Variants in MYB observed in about 807,000 individuals in gnomAD.
The protein encoded by MYB is MYB proto-oncogene, transcription factor, also known as transcriptional activator Myb.
A neutral mutation model predicts 92.9 loss-of-function variants in MYB; 28 were observed. The observed-to-expected ratio is 0.30, with a 90% CI of 0.22 to 0.41. The LOEUF is 0.41. Among genes scored for constraint, MYB ranks in the 10% least tolerant of loss-of-function variants. MYB has a pLI of 1.00. For synonymous variants in MYB, 295 were observed against 329.1 expected (o/e 0.90, Z 1.12); for missense variants, 679 against 929.3 (o/e 0.73, Z 3.50).
chr6:135,197,952 C>T (rs1777558467), intron 10 of MYB, among the ~76,000 whole-genome samples: 1 of 152,154 alleles, frequency 6.6e-6, no homozygotes, highest in Non-Finnish European at 1.5e-5. Flanking sequence ...TTATTTCATA[C>T]AGCTTTTTTA....
Position 135,189,858 on chromosome 6 carries a change from C to T in MYB, c.281C>T (p.Pro94Leu). The change falls in exon 4 of 16, where the codon CCT becomes CTT. Residue 94 changes from proline (P) to leucine (L), a missense_variant. Coordinates refer to ENST00000341911, the MANE Select transcript of MYB (RefSeq NM_001130173.2). The stretch of plus-strand genomic sequence containing the variant: ...CTAAACCCTGAGCTCATCAAGGGTC[C>T]TTGGACCAAAGAAGAAGATCAGAGA... ...KVLNPELIKG[P>L]WTKEEDQRVI... is the part of the protein sequence containing the mutation. 6.2e-7 allele frequency: 1 copy of T among 1,614,018 alleles called. No homozygotes were observed. The highest frequency in any genetic ancestry group is 8.5e-7 in the Non-Finnish European group (1 of 1,179,884).
intron 15 of MYB, among the ~76,000 whole-genome samples, chr6:135,207,012 T>A (rs1334007874): frequency 6.6e-6 from 1 of 152,184 alleles, no homozygotes; most frequent in East Asian, 1.9e-4. Flanking sequence ...TTTCTATAGA[T>A]TTTTTATGCA....
intron 6 of MYB, 53 bp from the exon 7 acceptor site, chr6:135,193,785 G>A (rs1257208629): frequency 2.3e-6 from 3 of 1,296,210 alleles, no homozygotes; most frequent in Non-Finnish European, 3.3e-6. Context: ...CAAGTCCCCT[G>A]AAGCATATGT....
rs529024644 is a variant in MYB, at chr6:135,205,072, A to C, written c.2169+1748A>C. Among the ~76,000 whole-genome samples, 703 of 152,292 alleles carry C rather than the reference A, an allele frequency of 4.6e-3. 11 individuals carry two copies. Among genetic ancestry groups the C allele is most frequent in the South Asian group, 0.016 (75 of 4,826 alleles). ...ACAGAATGAGACTCCATCTCAAAAA[A>C]AAGAATATCACAAATAATTGGGAGA... On this transcript the variant is annotated intron_variant, in intron 15 of 15. Transcript: ENST00000341911.
rs1780619235 is a variant in MYB at position 135,217,496 on chromosome 6, GC to G, written c.2170-367del. On this transcript the variant is annotated intron_variant, in intron 15 of 15. Transcript: ENST00000341911. ...CGTGCATGAGCTGCTTTGCACTGTG[GC>G]TACAGCACTCAGCAGTTTGCTTAGT... Among the ~76,000 whole-genome samples the G allele has an allele frequency of 2.6e-5, 4 of 152,290 alleles. No individual in the cohort carries two copies. In the South Asian group the frequency reaches 8.3e-4, roughly 32 times the overall value.
Position 135,190,450 on chromosome 6 carries a change from T to A in MYB, c.527+103T>A. 1.1e-6 allele frequency: 1 copy of A among 894,666 alleles called. No individual in the cohort carries two copies. Among genetic ancestry groups the A allele is most frequent in the East Asian group, 2.6e-5 (1 of 38,034 alleles). 55.4% of individuals were successfully genotyped at this position (894,666 alleles called of 1,614,324 possible). A position where few individuals can be genotyped will look rare whatever the true frequency, so the allele number is the denominator to read the frequency against. On this transcript the variant is annotated intron_variant, in intron 5 of 15. Transcript: ENST00000341911. This position sits in a 1 kb window ranked among gnomAD's most constrained non-coding sequence, Gnocchi z 4.5. ...TGAGTAAATTATATTTCATCAGTCG[T>A]AAGTGTTTTATTAGATAAACCAGCT...
In MYB at chr6:135,193,850, G is replaced by T. The variant is rs780385476; in HGVS notation, c.775G>T (p.Val259Phe). 3 of 1,612,194 alleles carry T rather than the reference G, an allele frequency of 1.9e-6. No homozygotes were observed. Among genetic ancestry groups the T allele is most frequent in the Non-Finnish European group, 2.5e-6 (3 of 1,178,310 alleles). The change falls in exon 7 of 16, where the codon GTT becomes TTT. Residue 259 changes from valine (V) to phenylalanine (F), a missense_variant. Physicochemically the swap from Val to Phe is conservative, Grantham distance 50. Coordinates refer to ENST00000341911, the MANE Select transcript of MYB (RefSeq NM_001130173.2). ...ISEAQNVSSHVPYPVALHVNI... is the reference protein window; with the variant it reads ...ISEAQNVSSHFPYPVALHVNI... Reference sequence around the variant, plus strand: ...CTTTTGCATCTAGGTCTCCAGTCATGTTCCATACCCTGTAGCGTTACATGT... The same window carrying T: ...CTTTTGCATCTAGGTCTCCAGTCATTTTCCATACCCTGTAGCGTTACATGT...
chr6:135,186,589 A>G (rs911266569), intron 2 of MYB, among the ~76,000 whole-genome samples: 26 of 152,238 alleles, frequency 1.7e-4, no homozygotes, highest in Non-Finnish European at 2.9e-5. Flanking sequence ...CAAAACAAAC[A>G]AAAGAATAAA....
At chr6:135,193,450 A>T (rs565527431) in intron 6 of MYB, among the ~76,000 whole-genome samples, 2 of 152,336 alleles carry the variant, frequency 1.3e-5, no homozygotes, top group East Asian at 3.9e-4. Context: ...ACTCAAAATT[A>T]TTCCAAGAAA....
intron 15 of MYB, among the ~76,000 whole-genome samples, chr6:135,208,203 C>A (rs1245636487): frequency 6.7e-6 from 1 of 148,518 alleles, no homozygotes; most frequent in African/African-American, 2.5e-5. Context: ...CTTAGCCTCT[C>A]GAGTAGCTGG....
chr6:135,202,599 C>G, intron 14 of MYB: 1 of 188,220 alleles, frequency 5.3e-6, no homozygotes, highest in Non-Finnish European at 1.1e-5. Context: ...AACTCCTGAC[C>G]TCAGGTGATC....
intron 1 of MYB, among the ~76,000 whole-genome samples, chr6:135,185,617 A>G (rs1354971664): frequency 1.3e-5 from 2 of 152,164 alleles, no homozygotes; most frequent in Admixed American, 6.5e-5. Context: ...AAGGTGGCCA[A>G]ATGTGTAACT....
At chr6:135,217,739 A>G in intron 15 of MYB, 125 bp from the exon 16 acceptor site, 1 of 743,386 alleles carries the variant, frequency 1.3e-6, no homozygotes, top group Non-Finnish European at 2.4e-6. Context: ...GGGAGGTAAG[A>G]TTCTATCTGA....
At chr6:135,211,191 T>C (rs1779658945) in intron 15 of MYB, among the ~76,000 whole-genome samples, 2 of 148,950 alleles carry the variant, frequency 1.3e-5, no homozygotes, top group Admixed American at 1.4e-4. Flanking sequence ...TTTCATCTAG[T>C]GTGCTGTGCT....
intron 15 of MYB, among the ~76,000 whole-genome samples, chr6:135,216,345 C>T (rs1293346996): frequency 3.9e-5 from 6 of 152,106 alleles, no homozygotes; most frequent in Non-Finnish European, 8.8e-5. Context: ...TGTATACATT[C>T]GTGGGGTACA....
At chr6:135,195,610 T>C (rs1240824877) in intron 8 of MYB, 138 bp from the exon 9 acceptor site, 2 of 904,488 alleles carry the variant, frequency 2.2e-6, no homozygotes, top group African/African-American at 1.7e-5. Flanking sequence ...AACTGTTTCA[T>C]AGGCGTAAGT....
At chr6:135,207,550 G>A (rs1406151152) in intron 15 of MYB, among the ~76,000 whole-genome samples, 1 of 152,098 alleles carries the variant, frequency 6.6e-6, no homozygotes, top group African/African-American at 2.4e-5. Context: ...TTATGGTTTT[G>A]CTTCTAACGT....
rs187423108 is a variant in MYB, at chr6:135,181,345, C to T, written c.-169C>T. ...CAACCTGTTTCCTCCTCCTCCTTCT[C>T]CTCCTCCTCCGTGACCTCCTCCTCC... On this transcript the variant is annotated 5_prime_UTR_variant, in exon 1 of 16. Transcript: ENST00000341911. The surrounding 1 kb of genome is among the most constrained non-coding windows in gnomAD (Gnocchi z 5.3). 7.8e-5 allele frequency: 17 copies of T among 218,170 alleles called. No individual in the cohort carries two copies. The highest frequency in any genetic ancestry group is 7.4e-4 in the Admixed American group (12 of 16,258). 13.5% of individuals were successfully genotyped at this position (218,170 alleles called of 1,614,324 possible).
intron 10 of MYB, 31 bp from the exon 11 acceptor site, chr6:135,198,877 C>T (rs1562379858): frequency 6.5e-7 from 1 of 1,543,654 alleles, no homozygotes. Context: ...ACCATCTAAT[C>T]TAAGTATTTT....
Sources: gnomAD v4.1 joint callset for allele counts (sites outside exome capture counted in the v4.1 genomes callset) on GRCh38, gnomAD v4.1.1 for gene constraint, Gnocchi (gnomAD v3.1) non-coding constraint, MANE v1.5 for transcripts, NCBI Gene and HGNC (gene_info 2026-07-23, HGNC 2026-07-21) for gene names.